Variants in ETFA observed in about 807,000 individuals in gnomAD.
ETFA encodes the protein electron transfer flavoprotein subunit alpha, mitochondrial.
A neutral mutation model predicts 46.2 loss-of-function variants in ETFA; 22 were observed. That is an observed-to-expected ratio of 0.48 (90% CI 0.34 to 0.68). The LOEUF (loss-of-function observed/expected upper bound fraction) is 0.68, where lower values mean the gene tolerates loss of function less well. Among genes scored for constraint, ETFA ranks in the 30% least tolerant of loss-of-function variants. ETFA has a pLI of 0.01. For missense variants in ETFA, 345 were observed against 401.1 expected, an observed-to-expected ratio of 0.86 and a Z score of 1.19; for synonymous variants, 131 against 139.9, an observed-to-expected ratio of 0.94 and a Z score of 0.45.
At chr15:76,222,717 C>T (rs1481711277) in intron 11 of ETFA, among the ~76,000 whole-genome samples, 10 of 152,190 alleles carry the variant, frequency 6.6e-5, no homozygotes, top group Admixed American at 6.6e-4. Flanking sequence ...CAAATCACAT[C>T]TCTCTGGGAC....
Position 76,259,347 on chromosome 15 carries a change from G to C in ETFA, c.816+15065C>G, listed in dbSNP as rs2039377928. 3.1e-6 allele frequency: 5 copies of C among 1,591,160 alleles called. No individual in the cohort carries two copies. The Admixed American group carries it at 8.3e-5, about 27-fold the overall frequency. On this transcript the variant is annotated intron_variant, in intron 9 of 11. Coordinates refer to ENST00000557943, the MANE Select transcript of ETFA (RefSeq NM_000126.4). The stretch of plus-strand genomic sequence containing the variant: ...AAAGCTTGGGCGCTGCTTGGGGTCA[G>C]CACTCCAGCACTGGTACATGAGATC...
chr15:76,262,776 C>T (rs1032470582), intron 9 of ETFA, among the ~76,000 whole-genome samples: 23 of 151,972 alleles, frequency 1.5e-4, no homozygotes, highest in Admixed American at 2.0e-4. Flanking sequence ...GCACCACACC[C>T]GGCCTATCAT....
At chr15:76,245,362 A>G (rs1353517220) in intron 9 of ETFA, 1 of 152,238 alleles carries the variant, frequency 6.6e-6, no homozygotes, top group Non-Finnish European at 1.5e-5. Flanking sequence ...ATTTGTGAAC[A>G]CAGTTCTCTT....
At chr15:76,288,522 T>C (rs539169009) in intron 4 of ETFA, among the ~76,000 whole-genome samples, 2 of 151,962 alleles carry the variant, frequency 1.3e-5, no homozygotes, top group Non-Finnish European at 2.9e-5. Flanking sequence ...GTGGCCAACA[T>C]GGTGAAACAC....
chr15:76,288,259 T>C (rs564544477), intron 4 of ETFA, among the ~76,000 whole-genome samples: 2 of 152,308 alleles, frequency 1.3e-5, no homozygotes, highest in East Asian at 3.9e-4. Context: ...CAGTTGTGGA[T>C]TATTGAATTT....
chr15:76,221,004 G>T lies in ETFA; in HGVS notation c.964-4407C>A, dbSNP rs755987500. On this transcript the variant is annotated intron_variant, in intron 11 of 11. Coordinates refer to ENST00000557943, the MANE Select transcript of ETFA (RefSeq NM_000126.4). The stretch of plus-strand genomic sequence containing the variant: ...CCATCCAAAAGAAATGAAAACATAG[G>T]TCTGCACAAAACCTCATATGTGAAT... Among the ~76,000 whole-genome samples, 16 of 152,062 alleles carry T rather than the reference G, an allele frequency of 1.1e-4. 1 individual carries two copies. Among genetic ancestry groups the T allele is most frequent in the Non-Finnish European group, 1.9e-4 (13 of 68,008 alleles).
At chr15:76,311,223 C>T in intron 1 of ETFA, 127 bp downstream of exon 1, 1 of 1,129,858 alleles carries the variant, frequency 8.9e-7, no homozygotes, top group Admixed American at 2.1e-5. Context: ...AAGTCCCAGG[C>T]GGGGACCGGC....
intron 5 of ETFA, among the ~76,000 whole-genome samples, chr15:76,286,785 T>C (rs1484356627): frequency 6.6e-6 from 1 of 152,192 alleles, no homozygotes; most frequent in African/African-American, 2.4e-5. Flanking sequence ...TGAACAAAGC[T>C]TCCTTCTCCA....
At chr15:76,302,757 T>C (rs907612467) in intron 1 of ETFA, among the ~76,000 whole-genome samples, 1 of 151,956 alleles carries the variant, frequency 6.6e-6, no homozygotes, top group African/African-American at 2.4e-5. Context: ...GTGGAGGAGG[T>C]TGTGGGTGTG....
intron 4 of ETFA, among the ~76,000 whole-genome samples, chr15:76,291,635 A>C (rs2039764154): frequency 6.6e-6 from 1 of 150,948 alleles, no homozygotes; most frequent in African/African-American, 2.4e-5. Flanking sequence ...CTGTAGTCCC[A>C]GCTACTCGGG....
chr15:76,310,693 G>A (rs2039988418), intron 1 of ETFA, among the ~76,000 whole-genome samples: 1 of 152,232 alleles, frequency 6.6e-6, no homozygotes, highest in Non-Finnish European at 1.5e-5. Flanking sequence ...AAGCAGGTCA[G>A]CCTGAAGCAT....
At chr15:76,250,341 T>C in intron 9 of ETFA, among the ~76,000 whole-genome samples, 1 of 151,968 alleles carries the variant, frequency 6.6e-6, no homozygotes. Context: ...GAAGATAACA[T>C]TTGTATGGTA....
At chr15:76,249,435 A>ATT (rs375408996) in intron 9 of ETFA, among the ~76,000 whole-genome samples, 5 of 74,796 alleles carry the variant, frequency 6.7e-5, no homozygotes, top group Admixed American at 3.1e-4. Context: ...GTCCATGGTA[A>ATT]TTTTTTTTTT....
intron 10 of ETFA, chr15:76,230,839 A>G (rs923528490): frequency 6.3e-6 from 1 of 159,606 alleles, no homozygotes; most frequent in African/African-American, 2.4e-5. Context: ...TTATACTTTG[A>G]TAACAACCCA....
intron 9 of ETFA, among the ~76,000 whole-genome samples, chr15:76,255,565 C>T (rs995601296): frequency 1.3e-5 from 2 of 152,172 alleles, no homozygotes; most frequent in African/African-American, 4.8e-5. Context: ...TAGCTGTAAA[C>T]ATGAATATGA....
At chr15:76,302,853 A>C (rs2039894157) in intron 1 of ETFA, among the ~76,000 whole-genome samples, 1 of 152,152 alleles carries the variant, frequency 6.6e-6, no homozygotes, top group African/African-American at 2.4e-5. Context: ...TTTTCAAAAA[A>C]TTTTATTTTT....
intron 9 of ETFA, among the ~76,000 whole-genome samples, chr15:76,265,597 C>T (rs946289874): frequency 7.9e-5 from 12 of 152,248 alleles, no homozygotes; most frequent in African/African-American, 2.2e-4. Flanking sequence ...GTATCGTTGG[C>T]GTAGGGACTG....
intron 9 of ETFA, chr15:76,259,835 TC>T (rs1193744139): frequency 6.5e-7 from 1 of 1,545,588 alleles, no homozygotes. Context: ...AAAGGGGTTC[TC>T]CCCAAGCCAG....
At chr15:76,256,818 T>A (rs1202764733) in intron 9 of ETFA, among the ~76,000 whole-genome samples, 2 of 152,174 alleles carry the variant, frequency 1.3e-5, no homozygotes, top group African/African-American at 4.8e-5. Context: ...CACAACATAT[T>A]AACTTTTTAT....
Sources: allele counts gnomAD v4.1 joint callset (sites outside exome capture counted in the v4.1 genomes callset), GRCh38; gene constraint gnomAD v4.1.1; transcripts MANE v1.5; gene names NCBI Gene and HGNC (gene_info 2026-07-23, HGNC 2026-07-21).